The following PRKRIP1 variants were observed in gnomAD, a reference collection of about 807,000 sequenced individuals.
The protein encoded by PRKRIP1 is PRKR-interacting protein 1.
A neutral mutation model predicts 29.3 loss-of-function variants in PRKRIP1; 29 were observed. The ratio of observed to expected loss-of-function variants is 0.99; its 90% CI spans 0.74 to 1.35. PRKRIP1 has a LOEUF of 1.35. Ranked by LOEUF, PRKRIP1 falls within the 40% of genes most tolerant of loss-of-function variation. The pLI, the probability that PRKRIP1 is intolerant of heterozygous loss-of-function variation, is 0.00. For missense variants in PRKRIP1, 247 were observed against 236.8 expected, an observed-to-expected ratio of 1.04 and a Z score of -0.28; for synonymous variants, 90 against 85.1, an observed-to-expected ratio of 1.06 and a Z score of -0.32.
intron 2 of PRKRIP1, 101 bp from the exon 3 acceptor site, chr7:102,399,447 T>A: frequency 1.1e-6 from 1 of 888,810 alleles, no homozygotes. Context: ...CATGGTCCCT[T>A]CCACGACTTC....
intron 2 of PRKRIP1, 120 bp downstream of exon 2, chr7:102,397,818 G>A: frequency 2.5e-6 from 2 of 807,220 alleles, no homozygotes; most frequent in Non-Finnish European, 4.0e-6. Flanking sequence ...GGCCGAGGCG[G>A]GCGGATCATG....
intron 3 of PRKRIP1, among the ~76,000 whole-genome samples, chr7:102,402,986 T>G (rs1796113916): frequency 6.6e-6 from 1 of 152,040 alleles, no homozygotes; most frequent in Admixed American, 6.6e-5. Flanking sequence ...GCAATTCTAG[T>G]GTCTCAGCCT....
At chr7:102,420,146 A>G (rs1554573596) in intron 5 of PRKRIP1, among the ~76,000 whole-genome samples, 2 of 152,104 alleles carry the variant, frequency 1.3e-5, no homozygotes, top group Non-Finnish European at 2.9e-5. Context: ...TTGGCCTCCC[A>G]AAGTGCTGGG....
chr7:102,424,503 CTG>C (rs1370353156), intron 5 of PRKRIP1, among the ~76,000 whole-genome samples: 1 of 152,234 alleles, frequency 6.6e-6, no homozygotes, highest in Non-Finnish European at 1.5e-5. Context: ...GACAGGGAAC[CTG>C]TGCTGCTCAC....
intron 4 of PRKRIP1, among the ~76,000 whole-genome samples, chr7:102,406,318 C>T (rs1554571815): frequency 6.6e-6 from 1 of 152,150 alleles, no homozygotes; most frequent in African/African-American, 2.4e-5. Context: ...TTTGGAGCGG[C>T]TTCTTGGTCT....
intron 3 of PRKRIP1, among the ~76,000 whole-genome samples, chr7:102,400,274 C>G (rs1317050210): frequency 1.5e-4 from 23 of 151,798 alleles, no homozygotes; most frequent in African/African-American, 5.6e-4. Context: ...TGCACCATTG[C>G]ATGCCAGCCT....
chr7:102,412,067 G>C (rs1340697315), intron 5 of PRKRIP1, among the ~76,000 whole-genome samples: 1 of 151,552 alleles, frequency 6.6e-6, no homozygotes, highest in African/African-American at 2.4e-5. Context: ...GTTTTTAGTA[G>C]AGATGGTGTT....
chr7:102,397,771 C>G (rs1586671843), intron 2 of PRKRIP1, 73 bp downstream of exon 2: 2 of 1,437,022 alleles, frequency 1.4e-6, no homozygotes, highest in Non-Finnish European at 9.7e-7. Flanking sequence ...ATAGGCTGGG[C>G]GTGGTGGCTC....
intron 5 of PRKRIP1, among the ~76,000 whole-genome samples, chr7:102,410,369 CA>C (rs1398148849): frequency 1.3e-5 from 2 of 152,118 alleles, no homozygotes; most frequent in Non-Finnish European, 2.9e-5. Flanking sequence ...GACAAACGCC[CA>C]GGGGAAAATG....
intron 3 of PRKRIP1, among the ~76,000 whole-genome samples, chr7:102,400,297 G>GA (rs1451559119): frequency 3.3e-5 from 5 of 151,214 alleles, no homozygotes; most frequent in Non-Finnish European, 7.4e-5. Context: ...GCGACAGAGT[G>GA]AAACTCCATC....
chr7:102,420,947 C>T (rs1187070057), intron 5 of PRKRIP1, among the ~76,000 whole-genome samples: 1 of 152,124 alleles, frequency 6.6e-6, no homozygotes, highest in African/African-American at 2.4e-5. Flanking sequence ...CCTACACAGG[C>T]ACACGCCTCT....
intron 5 of PRKRIP1, among the ~76,000 whole-genome samples, chr7:102,419,851 G>T (rs1314250348): frequency 8.6e-5 from 1 of 11,692 alleles, no homozygotes; most frequent in African/African-American, 1.0e-4. Flanking sequence ...GTTTTTGTGT[G>T]TGTGTGTGTG....
intron 4 of PRKRIP1, chr7:102,405,899 G>A (rs781890896): frequency 3.2e-5 from 10 of 313,244 alleles, no homozygotes; most frequent in African/African-American, 1.1e-4. Flanking sequence ...TCCATGCTCC[G>A]GGATTTGAAG....
At chr7:102,399,408 G>T (rs879988371) in intron 2 of PRKRIP1, 140 bp from the exon 3 acceptor site, 1 of 682,210 alleles carries the variant, frequency 1.5e-6, no homozygotes, top group Non-Finnish European at 2.6e-6. Context: ...TACTGGGCCA[G>T]TTCTGGATAC....
intron 3 of PRKRIP1, chr7:102,404,283 C>T (rs1796153266): frequency 8.6e-6 from 2 of 232,240 alleles, no homozygotes; most frequent in South Asian, 1.0e-4. Context: ...ATCCAAGGCC[C>T]CGGCTGAGCA....
intron 5 of PRKRIP1, among the ~76,000 whole-genome samples, chr7:102,410,558 CA>C (rs1260305519): frequency 2.0e-5 from 3 of 152,146 alleles, no homozygotes; most frequent in African/African-American, 7.2e-5. Context: ...GCTACTGTGG[CA>C]GGGGGGCTCT....
At chr7:102,397,084 G>A (rs572655523) in intron 1 of PRKRIP1, among the ~76,000 whole-genome samples, 1 of 152,068 alleles carries the variant, frequency 6.6e-6, no homozygotes, top group Non-Finnish European at 1.5e-5. Flanking sequence ...AGGTTTTTCA[G>A]TTCTGCTCTG....
intron 1 of PRKRIP1, among the ~76,000 whole-genome samples, 197 bp downstream of exon 1, chr7:102,396,734 TGA>T (rs1795910674): frequency 6.6e-6 from 1 of 152,192 alleles, no homozygotes; most frequent in Non-Finnish European, 1.5e-5. Flanking sequence ...TGTCCTTGTG[TGA>T]GAGCCCAGCT....
chr7:102,399,276 A>C (rs1796002251), intron 2 of PRKRIP1, among the ~76,000 whole-genome samples: 1 of 152,194 alleles, frequency 6.6e-6, no homozygotes, highest in Admixed American at 6.5e-5. Context: ...ATCATGGAGG[A>C]GGTGAGAAAG....
Sources: allele counts gnomAD v4.1 joint callset (sites outside exome capture counted in the v4.1 genomes callset), GRCh38; gene constraint gnomAD v4.1.1; transcripts MANE v1.5; gene names NCBI Gene and HGNC (gene_info 2026-07-23, HGNC 2026-07-21).